The following CDH11 variants were observed in gnomAD, a reference collection of about 807,000 sequenced individuals.
The protein encoded by CDH11 is cadherin-11.
In CDH11, 11 loss-of-function variants were observed where a neutral mutation model predicts 67.8. That is an observed-to-expected ratio of 0.16 (90% confidence interval 0.10 to 0.27). The LOEUF is 0.27. Among genes scored for constraint, CDH11 ranks in the 10% least tolerant of loss-of-function variants. CDH11 has a pLI of 1.00. For synonymous variants in CDH11, 419 were observed against 400.0 expected (o/e 1.05, Z -0.57); for missense variants, 847 against 1,031.2 (o/e 0.82, Z 2.45).
upstream of CDH11, chr16:65,122,148 G>GGGGGGGGGGGGGGGGGGGGGGGGGGCC: frequency 3.1e-6 from 1 of 323,844 alleles, no homozygotes; most frequent in Non-Finnish European, 5.9e-6. Context: ...GGGGGGGCGG[G>GGGGGGGGGGGGGGGGGGGGGGGGGGCC]AGGAGGGAGG....
chr16:64,958,236 A>G (rs1214974838), intron 11 of CDH11, among the ~76,000 whole-genome samples: 3 of 152,166 alleles, frequency 2.0e-5, no homozygotes, highest in Admixed American at 6.5e-5. Context: ...GTGCTTTCCA[A>G]TGAATCTCAT....
intron 3 of CDH11, among the ~76,000 whole-genome samples, chr16:64,999,313 T>C (rs1340850115): frequency 6.6e-6 from 1 of 152,204 alleles, no homozygotes; most frequent in Non-Finnish European, 1.5e-5. Flanking sequence ...TTGTGAATCC[T>C]ATAAGAGATA....
chr16:64,996,307 T>C (rs1439402330), intron 4 of CDH11, among the ~76,000 whole-genome samples: 1 of 152,032 alleles, frequency 6.6e-6, no homozygotes, highest in South Asian at 2.1e-4. Flanking sequence ...CTGGCCAACA[T>C]GGCAAAACCC....
Position 64,944,288 on chromosome 16 carries a change from A to G in CDH11, c.*3315T>C, listed in dbSNP as rs901901786. 7 of 233,020 alleles carry G rather than the reference A, an allele frequency of 3.0e-5. No individual in the cohort carries two copies. The highest frequency in any genetic ancestry group is 5.1e-5 in the Non-Finnish European group (6 of 118,014). The allele number at this position is 233,020 out of a possible 1,614,324, so 14.4% of individuals were successfully genotyped here. A position where few individuals can be genotyped will look rare whatever the true frequency, so the allele number is the denominator to read the frequency against. On this transcript the variant is annotated 3_prime_UTR_variant, in exon 13 of 13. Coordinates refer to ENST00000268603, the MANE Select transcript of CDH11 (RefSeq NM_001797.4). ...AGAGGTGGGGTCAGTCTTCCGGGTC[A>G]GAGATGACCATGGCCCAGACCAGGC...
At chr16:64,995,579 T>C (rs946753221) in intron 4 of CDH11, among the ~76,000 whole-genome samples, 4 of 152,136 alleles carry the variant, frequency 2.6e-5, no homozygotes, top group Non-Finnish European at 4.4e-5. Flanking sequence ...TTTCCCCATA[T>C]ACAAAAATTA....
chr16:65,066,586 G>C (rs2074316895), intron 1 of CDH11, among the ~76,000 whole-genome samples: 1 of 152,210 alleles, frequency 6.6e-6, no homozygotes, highest in South Asian at 2.1e-4. Flanking sequence ...TATCTTCTTA[G>C]GACCTCTTTA....
rs141576184 is a variant in CDH11 at position 65,110,320 on chromosome 16, A to T, written c.-298+11560T>A. Among the ~76,000 whole-genome samples the T allele has an allele frequency of 1.2e-3, 180 of 152,280 alleles. 2 individuals carry two copies. Among genetic ancestry groups the T allele is most frequent in the African/African-American group, 4.2e-3 (175 of 41,556 alleles). On this transcript the variant is annotated intron_variant, in intron 1 of 12. Coordinates refer to ENST00000268603, the MANE Select transcript of CDH11 (RefSeq NM_001797.4). ...TGTTCCTCATAACAGTCCCACAAGG[A>T]TATGTAGGGAAATGAAAACTTTTGG...
At chr16:65,044,767 C>A (rs1427892620) in intron 2 of CDH11, among the ~76,000 whole-genome samples, 5 of 151,998 alleles carry the variant, frequency 3.3e-5, no homozygotes, top group African/African-American at 1.2e-4. Context: ...GGGAGTTGGG[C>A]CTGGATCAAA....
At chr16:65,100,321 T>C (rs965063869) in intron 1 of CDH11, among the ~76,000 whole-genome samples, 2 of 151,716 alleles carry the variant, frequency 1.3e-5, no homozygotes, top group African/African-American at 2.4e-5. Context: ...ACAAATGTAA[T>C]AGGAGAAGAA....
chr16:65,015,017 TA>T (rs869098813), intron 2 of CDH11, among the ~76,000 whole-genome samples: 3 of 73,654 alleles, frequency 4.1e-5, no homozygotes, highest in Non-Finnish European at 8.1e-5. Flanking sequence ...CTGGCTAATT[TA>T]TTATTATTAT....
At chr16:64,969,013 T>C (rs898795649) in intron 11 of CDH11, among the ~76,000 whole-genome samples, 1 of 152,210 alleles carries the variant, frequency 6.6e-6, no homozygotes, top group African/African-American at 2.4e-5. Context: ...AAAGTAATTT[T>C]TCTTAAAAAG....
intron 2 of CDH11, among the ~76,000 whole-genome samples, chr16:65,053,492 T>C (rs769151361): frequency 5.9e-4 from 90 of 152,226 alleles, no homozygotes; most frequent in Admixed American, 2.0e-3. Context: ...ATGGCAATCA[T>C]CTCAGTTGGC....
chr16:65,005,444 A>G (rs1036761531), intron 2 of CDH11, among the ~76,000 whole-genome samples: 3 of 152,214 alleles, frequency 2.0e-5, no homozygotes, highest in Admixed American at 6.5e-5. Context: ...GCTGGACTCA[A>G]TCCTTTAGTG....
intron 1 of CDH11, among the ~76,000 whole-genome samples, chr16:65,069,908 G>C (rs1444553054): frequency 6.6e-6 from 1 of 152,136 alleles, no homozygotes; most frequent in Admixed American, 6.5e-5. Context: ...TGATGAACAA[G>C]ATTAGAACCT....
intron 11 of CDH11, among the ~76,000 whole-genome samples, chr16:64,963,326 C>T (rs982002829): frequency 1.4e-4 from 21 of 152,106 alleles, no homozygotes; most frequent in African/African-American, 4.8e-4. Context: ...CTTCAAAGGG[C>T]TCCTTAGTAG....
intron 2 of CDH11, among the ~76,000 whole-genome samples, chr16:65,031,184 A>G (rs2073636435): frequency 6.6e-6 from 1 of 152,220 alleles, no homozygotes; most frequent in Non-Finnish European, 1.5e-5. Flanking sequence ...TGCAGCACTC[A>G]CAGATAATTG....
chr16:65,005,045 C>T lies in CDH11; in HGVS notation c.-172-4G>A, dbSNP rs2073018327. On this transcript the variant is annotated splice_region_variant and splice_polypyrimidine_tract_variant and intron_variant, in intron 2 of 12. Transcript: ENST00000268603. ...TGCCCACGTCCCCAGTTAGCTTCTG[C>T]AAGCAGAGAGAGGTTGGATTAACTG... The T allele has an allele frequency of 3.0e-6, 4 of 1,344,200 alleles. No homozygotes were observed. The highest frequency in any genetic ancestry group is 3.8e-6 in the Non-Finnish European group (4 of 1,050,024). 83.3% of individuals were successfully genotyped at this position (1,344,200 alleles called of 1,614,324 possible).
intron 6 of CDH11, among the ~76,000 whole-genome samples, chr16:64,989,422 G>A (rs546863384): frequency 6.6e-5 from 10 of 152,292 alleles, no homozygotes; most frequent in South Asian, 6.2e-4. Context: ...TTGGTTTTGC[G>A]TAGTGTGGTA....
intron 2 of CDH11, among the ~76,000 whole-genome samples, chr16:65,040,255 T>C (rs553427452): frequency 1.3e-5 from 2 of 152,264 alleles, no homozygotes; most frequent in African/African-American, 2.4e-5. Flanking sequence ...CACATGCACA[T>C]GTATGTTTAT....
Sources: gnomAD v4.1 joint callset for allele counts (sites outside exome capture counted in the v4.1 genomes callset) on GRCh38, gnomAD v4.1.1 for gene constraint, MANE v1.5 for transcripts, NCBI Gene and HGNC (gene_info 2026-07-23, HGNC 2026-07-21) for gene names.